Variants in PAPOLG observed in about 807,000 individuals in gnomAD.
PAPOLG encodes the protein poly(A) polymerase gamma.
PAPOLG carries 40 observed loss-of-function variants against 99.0 expected under a neutral mutation model. The ratio of observed to expected loss-of-function variants is 0.40; its 90% CI spans 0.31 to 0.53. The LOEUF (loss-of-function observed/expected upper bound fraction) is 0.53, where lower values mean the gene tolerates loss of function less well. Among genes scored for constraint, PAPOLG ranks in the 20% least tolerant of loss-of-function variants. The probability of loss-of-function intolerance (pLI) is 0.41; values close to 1 mark genes in which losing one functional copy is unlikely to be tolerated. For missense variants in PAPOLG, 675 were observed against 884.1 expected (o/e 0.76, Z 3.00); for synonymous variants, 310 against 299.3 (o/e 1.04, Z -0.37).
At chr2:60,791,143 C>T (rs1168437006) in intron 15 of PAPOLG, among the ~76,000 whole-genome samples, 1 of 151,754 alleles carries the variant, frequency 6.6e-6, no homozygotes, top group African/African-American at 2.4e-5. Flanking sequence ...GGAGAGATTG[C>T]CTTTGGGGAA....
At chr2:60,786,017 TCTA>T (rs1414567368) in intron 13 of PAPOLG, among the ~76,000 whole-genome samples, 1 of 152,162 alleles carries the variant, frequency 6.6e-6, no homozygotes, top group Non-Finnish European at 1.5e-5. Flanking sequence ...CACACAGAAA[TCTA>T]CTAACTTGTC....
chr2:60,770,862 A>T (rs1670832632), intron 6 of PAPOLG, among the ~76,000 whole-genome samples: 1 of 152,118 alleles, frequency 6.6e-6, no homozygotes, highest in African/African-American at 2.4e-5. Flanking sequence ...TGACCTCGTG[A>T]TCCGCCCACC....
chr2:60,793,578 A>G, intron 17 of PAPOLG, 49 bp from the exon 18 acceptor site: 1 of 1,594,192 alleles, frequency 6.3e-7, no homozygotes, highest in Non-Finnish European at 8.6e-7. Context: ...AAGGAGAAAA[A>G]AAGTAATATT....
chr2:60,760,207 A>T lies in PAPOLG; in HGVS notation c.91A>T (p.Lys31Ter), dbSNP rs920009178. Reference protein sequence around the residue: ...ITSPISLASPKEIDHIYTQKL... With the variant: ...ITSPISLASP ...CTCCCCAATTAGTTTGGCATCTCCT[A>T]AAGAAATTGATCATATTTACACACA... Residue 31 changes from lysine to a stop codon, truncating the protein, a stop_gained, in exon 2 of 22, where the codon AAA becomes TAA. Transcript: ENST00000238714. LOFTEE classifies it high-confidence loss of function. The T allele has an allele frequency of 6.2e-7, 1 of 1,613,822 alleles. No homozygotes were observed. Among genetic ancestry groups the T allele is most frequent in the Non-Finnish European group, 8.5e-7 (1 of 1,179,808 alleles).
chr2:60,791,015 G>A (rs185880234), intron 15 of PAPOLG, among the ~76,000 whole-genome samples: 4 of 152,124 alleles, frequency 2.6e-5, no homozygotes, highest in South Asian at 4.1e-4. Context: ...CTTGAACCCC[G>A]GAGGCAGAGG....
At chr2:60,784,044 G>C (rs945600336) in intron 13 of PAPOLG, among the ~76,000 whole-genome samples, 1 of 152,192 alleles carries the variant, frequency 6.6e-6, no homozygotes, top group African/African-American at 2.4e-5. Context: ...CGTGATCTCA[G>C]CTCACTGCAA....
chr2:60,793,565 A>G (rs2103826142), intron 17 of PAPOLG, 62 bp from the exon 18 acceptor site: 1 of 1,569,518 alleles, frequency 6.4e-7, no homozygotes, highest in Non-Finnish European at 8.7e-7. Flanking sequence ...CCTTTTCTCA[A>G]AAAAGGAGAA....
intron 11 of PAPOLG, among the ~76,000 whole-genome samples, chr2:60,782,379 C>G (rs1671215162): frequency 6.6e-6 from 1 of 151,988 alleles, no homozygotes; most frequent in Non-Finnish European, 1.5e-5. Context: ...CCAGCCTAGC[C>G]AACCTGGTGA....
intron 8 of PAPOLG, among the ~76,000 whole-genome samples, chr2:60,776,639 G>A (rs2103790215): frequency 6.6e-6 from 1 of 152,078 alleles, no homozygotes; most frequent in African/African-American, 2.4e-5. Flanking sequence ...TGTTGGCCAG[G>A]CTGATCTTGA....
intron 8 of PAPOLG, among the ~76,000 whole-genome samples, chr2:60,778,961 C>T (rs1458280519): frequency 1.3e-5 from 2 of 151,672 alleles, no homozygotes; most frequent in East Asian, 3.9e-4. Context: ...GGTGGTGCAC[C>T]CCTGTAATCA....
intron 15 of PAPOLG, among the ~76,000 whole-genome samples, chr2:60,788,488 A>T (rs538357851): frequency 6.6e-6 from 1 of 152,062 alleles, no homozygotes; most frequent in Non-Finnish European, 1.5e-5. Flanking sequence ...GTCCTGGCTA[A>T]TTTTTTTATT....
intron 21 of PAPOLG, among the ~76,000 whole-genome samples, chr2:60,796,392 G>T (rs1426176053): frequency 6.6e-6 from 1 of 151,786 alleles, no homozygotes; most frequent in Non-Finnish European, 1.5e-5. Flanking sequence ...GCCCGCCTTG[G>T]CCTCCCAAAG....
In PAPOLG at chr2:60,764,036, C is replaced by T. The variant is rs1463984169; in HGVS notation, c.246+2229C>T. 3.9e-5 allele frequency among the ~76,000 whole-genome samples: 6 copies of T among 152,200 alleles called. No homozygotes were observed. In the South Asian group the frequency reaches 1.2e-3, roughly 31 times the overall value. ...CAGGCTGGTCTCGAACTCCTGACCT[C>T]AAGTAATCCATTCTCTTCGGCCTCC... On this transcript the variant is annotated intron_variant, in intron 3 of 21. Coordinates refer to ENST00000238714, the MANE Select transcript of PAPOLG (RefSeq NM_022894.4).
chr2:60,768,452 C>T lies in PAPOLG; in HGVS notation c.247-18C>T, dbSNP rs765968937. On this transcript the variant is annotated intron_variant, in intron 3 of 21. Coordinates refer to ENST00000238714, the MANE Select transcript of PAPOLG (RefSeq NM_022894.4). ...ATAATTTGAATAATTGAATGTCTTC[C>T]GCTTAATTTTATTTTAGAACCTCCC... 16 of 1,610,742 alleles carry T rather than the reference C, an allele frequency of 9.9e-6. No individual in the cohort carries two copies. Among genetic ancestry groups the T allele is most frequent in the African/African-American group, 8.0e-5 (6 of 74,678 alleles).
rs1308248194 is a variant in PAPOLG at position 60,787,715 on chromosome 2, C to T, written c.1396+95C>T. ...CTGGCTGGCTGTACTTATTAAAGTT[C>T]CACAATTGGTTAAGTGAACATGGCA... On this transcript the variant is annotated intron_variant, in intron 15 of 21. Coordinates refer to ENST00000238714, the MANE Select transcript of PAPOLG (RefSeq NM_022894.4). The T allele has an allele frequency of 8.9e-6, 13 of 1,455,774 alleles. No individual in the cohort carries two copies. In the South Asian group the frequency reaches 1.5e-4, roughly 17 times the overall value. The allele number at this position is 1,455,774 out of a possible 1,614,324, so 90.2% of individuals were successfully genotyped here. A position where few individuals can be genotyped will look rare whatever the true frequency, so the allele number is the denominator to read the frequency against.
chr2:60,774,672 C>T (rs1670964981), intron 7 of PAPOLG, among the ~76,000 whole-genome samples: 1 of 151,972 alleles, frequency 6.6e-6, no homozygotes, highest in African/African-American at 2.4e-5. Flanking sequence ...CTTGTTTGAC[C>T]GAATCATTAT....
chr2:60,763,055 C>A (rs1436328350), intron 3 of PAPOLG, among the ~76,000 whole-genome samples: 3 of 151,630 alleles, frequency 2.0e-5, no homozygotes, highest in Non-Finnish European at 4.4e-5. Flanking sequence ...GCTTGAGCCA[C>A]CACGCCCAAC....
intron 4 of PAPOLG, 25 bp from the exon 5 acceptor site, chr2:60,768,756 A>T: frequency 6.6e-7 from 1 of 1,505,034 alleles, no homozygotes; most frequent in Non-Finnish European, 9.0e-7. Context: ...ATATATTCTT[A>T]ATTAAGAACT....
Position 60,783,161 on chromosome 2 carries a change from A to G in PAPOLG, c.1118A>G (p.Tyr373Cys). Residue 373 changes from tyrosine to cysteine, a missense_variant, in exon 13 of 22, where the codon TAT becomes TGT. Physicochemically the swap from Tyr to Cys is radical, Grantham distance 194. Around this residue, in one of 3 missense-constraint regions of PAPOLG, gnomAD observed 413 missense variants for 460.5 expected, o/e 0.90. Transcript: ENST00000238714. ...PPNFFQKYRHYIVLTASASTE... is the reference protein window; with the variant it reads ...PPNFFQKYRHCIVLTASASTE... ...TGTTGCTGAAAATTCTTCAGACATTATATAGTATTGACTGCCAGCGCATCA... is the reference window on the plus strand; with the variant it reads ...TGTTGCTGAAAATTCTTCAGACATTGTATAGTATTGACTGCCAGCGCATCA... 6.3e-7 allele frequency: 1 copy of G among 1,585,504 alleles called. No individual in the cohort carries two copies. The highest frequency in any genetic ancestry group is 8.6e-7 in the Non-Finnish European group (1 of 1,169,356).
Sources: gnomAD v4.1 joint callset for allele counts (sites outside exome capture counted in the v4.1 genomes callset) on GRCh38, gnomAD v4.1.1 for gene constraint, gnomAD v4.1.1 regional missense constraint, MANE v1.5 for transcripts, NCBI Gene and HGNC (gene_info 2026-07-23, HGNC 2026-07-21) for gene names.